CDH4: variants seen among roughly 807,000 people sequenced by gnomAD.
The protein encoded by CDH4 is cadherin-4.
A neutral mutation model predicts 86.0 loss-of-function variants in CDH4; 33 were observed. The ratio of observed to expected loss-of-function variants is 0.38; its 90% confidence interval spans 0.29 to 0.51. CDH4 has a LOEUF of 0.51. Ranked by LOEUF, CDH4 falls within the 20% of genes least tolerant of loss-of-function variation. The probability of loss-of-function intolerance (pLI) is 0.86; values close to 1 mark genes in which losing one functional copy is unlikely to be tolerated. For synonymous variants in CDH4, 555 were observed against 549.4 expected (o/e 1.01, Z -0.14); for missense variants, 1,114 against 1,307.4 (o/e 0.85, Z 2.28).
intron 2 of CDH4, among the ~76,000 whole-genome samples, chr20:61,721,983 T>C (rs1450050880): frequency 1.3e-5 from 2 of 152,096 alleles, no homozygotes; most frequent in Non-Finnish European, 2.9e-5. Flanking sequence ...TCTTTCCTGC[T>C]CAAGGACAGA....
intron 2 of CDH4, among the ~76,000 whole-genome samples, chr20:61,658,925 A>G (rs2087222047): frequency 6.6e-6 from 1 of 151,912 alleles, no homozygotes; most frequent in African/African-American, 2.4e-5. Context: ...TTCAGAGTGA[A>G]CCCTTAGATC....
At chr20:61,313,661 G>A (rs2123227787) in intron 2 of CDH4, among the ~76,000 whole-genome samples, 1 of 152,214 alleles carries the variant, frequency 6.6e-6, no homozygotes, top group South Asian at 2.1e-4. Flanking sequence ...GGTCACTTTT[G>A]GTTTTATGAA....
intron 2 of CDH4, among the ~76,000 whole-genome samples, chr20:61,567,251 G>C (rs2086305516): frequency 6.6e-6 from 1 of 152,218 alleles, no homozygotes; most frequent in Non-Finnish European, 1.5e-5. Context: ...TCTAGCTGGG[G>C]ACGGCAGAAG....
At chr20:61,694,421 G>A (rs1568760358) in intron 2 of CDH4, among the ~76,000 whole-genome samples, 1 of 152,162 alleles carries the variant, frequency 6.6e-6, no homozygotes, top group East Asian at 1.9e-4. Context: ...GGTGGTCAAG[G>A]TGCAGCTTTC....
intron 2 of CDH4, among the ~76,000 whole-genome samples, chr20:61,604,122 C>G (rs1323029786): frequency 6.6e-6 from 1 of 152,220 alleles, no homozygotes; most frequent in East Asian, 1.9e-4. Context: ...TGTTAACTCC[C>G]AGTCCAAAGT....
At chr20:61,447,373 T>C (rs2085357077) in intron 2 of CDH4, among the ~76,000 whole-genome samples, 1 of 148,868 alleles carries the variant, frequency 6.7e-6, no homozygotes, top group Non-Finnish European at 1.5e-5. Context: ...AGGGTTTTGC[T>C]ATGTAGGCCA....
intron 4 of CDH4, among the ~76,000 whole-genome samples, chr20:61,804,171 C>T (rs550156161): frequency 1.3e-5 from 2 of 152,328 alleles, no homozygotes; most frequent in Non-Finnish European, 2.9e-5. Context: ...GCCTGCATGG[C>T]GGCCTGAGAG....
chr20:61,429,672 T>C (rs2085234176), intron 2 of CDH4, among the ~76,000 whole-genome samples: 1 of 150,298 alleles, frequency 6.7e-6, no homozygotes, highest in African/African-American at 2.5e-5. Context: ...GGTGGGTGGA[T>C]GGATGGGTGG....
At chr20:61,536,095 A>G (rs2085995291) in intron 2 of CDH4, among the ~76,000 whole-genome samples, 1 of 152,172 alleles carries the variant, frequency 6.6e-6, no homozygotes, top group Non-Finnish European at 1.5e-5. Context: ...TGGCCCAGTG[A>G]GTGGCCCAGG....
chr20:61,386,700 T>A (rs1238513982), intron 2 of CDH4, among the ~76,000 whole-genome samples: 8 of 152,232 alleles, frequency 5.3e-5, no homozygotes, highest in Non-Finnish European at 2.9e-5. Flanking sequence ...TCGGATTGTT[T>A]CAGGGTTAAG....
intron 2 of CDH4, among the ~76,000 whole-genome samples, chr20:61,547,704 A>G (rs978360222): frequency 1.3e-5 from 2 of 152,198 alleles, no homozygotes; most frequent in African/African-American, 2.4e-5. Context: ...GCCCCTGCAG[A>G]CAGCGCAGGA....
At chr20:61,731,865 G>C (rs868672636) in intron 2 of CDH4, among the ~76,000 whole-genome samples, 1 of 152,190 alleles carries the variant, frequency 6.6e-6, no homozygotes, top group African/African-American at 2.4e-5. Context: ...GCCTGGCGGG[G>C]ATGCCTCTAC....
intron 2 of CDH4, among the ~76,000 whole-genome samples, chr20:61,482,434 C>T (rs1012025114): frequency 1.3e-5 from 2 of 152,174 alleles, no homozygotes; most frequent in Admixed American, 1.3e-4. Flanking sequence ...AGGGTGAGGT[C>T]GCTGTTTTCT....
chr20:61,625,338 GT>G (rs898736668), intron 2 of CDH4, among the ~76,000 whole-genome samples: 11 of 151,726 alleles, frequency 7.2e-5, no homozygotes, highest in Admixed American at 2.0e-4. Context: ...TATTTAAGGA[GT>G]TTTTTTTTCT....
chr20:61,895,164 C>A (rs937486396), intron 8 of CDH4, 117 bp downstream of exon 8: 3 of 1,285,098 alleles, frequency 2.3e-6, no homozygotes, highest in East Asian at 2.3e-5. Context: ...TGGCAGATAG[C>A]GTGTAAGAAA....
At chr20:61,379,239 T>C (rs983817409) in intron 2 of CDH4, among the ~76,000 whole-genome samples, 1 of 152,082 alleles carries the variant, frequency 6.6e-6, no homozygotes, top group African/African-American at 2.4e-5. Context: ...GAGGATGAGA[T>C]ACAGAGGATG....
intron 2 of CDH4, among the ~76,000 whole-genome samples, chr20:61,597,199 T>C (rs114688422): frequency 0.015 from 2,207 of 152,020 alleles, 49 homozygotes; most frequent in African/African-American, 0.041. Flanking sequence ...ATAAAAGAGG[T>C]GAATTTGTTG....
chr20:61,535,381 C>T (rs1324466043), intron 2 of CDH4, among the ~76,000 whole-genome samples: 1 of 152,204 alleles, frequency 6.6e-6, no homozygotes, highest in African/African-American at 2.4e-5. Flanking sequence ...ATCCCATCCC[C>T]AGGCCCACGG....
At chr20:61,471,848 T>G (rs2085505647) in intron 2 of CDH4, among the ~76,000 whole-genome samples, 1 of 152,060 alleles carries the variant, frequency 6.6e-6, no homozygotes. Flanking sequence ...GATTTCTAGT[T>G]TTCCATTGTG....
Sources: gnomAD v4.1 joint callset for allele counts (sites outside exome capture counted in the v4.1 genomes callset) on GRCh38, gnomAD v4.1.1 for gene constraint, MANE v1.5 for transcripts, NCBI Gene and HGNC (gene_info 2026-07-23, HGNC 2026-07-21) for gene names.